Variants in CNPY2 observed in about 807,000 individuals in gnomAD.
CNPY2 encodes canopy FGF signaling regulator 2.
Under a neutral mutation model 25.5 loss-of-function variants are expected in CNPY2, and 19 were observed. That is an observed-to-expected ratio of 0.74 (90% CI 0.52 to 1.09). The LOEUF (loss-of-function observed/expected upper bound fraction) is 1.09. Ranked by LOEUF, CNPY2 falls within the 50% of genes least tolerant of loss-of-function variation. The probability of loss-of-function intolerance (pLI) is 0.00; values close to 1 mark genes in which losing one functional copy is unlikely to be tolerated. For synonymous variants in CNPY2, 82 were observed against 85.0 expected (o/e 0.96, Z 0.19); for missense variants, 214 against 233.6 (o/e 0.92, Z 0.55).
chr12:56,313,901 C>T (rs574928727), intron 3 of CNPY2, among the ~76,000 whole-genome samples: 11 of 150,846 alleles, frequency 7.3e-5, no homozygotes, highest in African/African-American at 1.5e-4. Flanking sequence ...CCACCGCGCC[C>T]GGCCTTTTTT....
intron 4 of CNPY2, 67 bp from the exon 5 acceptor site, chr12:56,311,121 A>G (rs1326419072): frequency 1.2e-6 from 2 of 1,601,668 alleles, no homozygotes; most frequent in African/African-American, 1.3e-5. Flanking sequence ...ACTTCCAAAG[A>G]GGAGGACAAG....
In CNPY2 at chr12:56,314,838, C is replaced by G. The variant is rs376920667; in HGVS notation, c.204+13G>C. 1.5e-4 allele frequency: 245 copies of G among 1,614,066 alleles called. No individual in the cohort carries two copies. The highest frequency in any genetic ancestry group is 2.3e-5 in the Non-Finnish European group (27 of 1,180,048). The stretch of plus-strand genomic sequence containing the variant: ...GAGTGAGCTACTTTGTTTGGGGGAA[C>G]AGTAACAGTTACCTCCACCACTGAC... On this transcript the variant is annotated intron_variant, in intron 3 of 5. Coordinates refer to ENST00000273308, the MANE Select transcript of CNPY2 (RefSeq NM_014255.7).
At position 56,313,066 on chromosome 12, in the gene CNPY2, T is replaced by C. The variant is rs1037243598; in HGVS notation, c.205-1652A>G. Among the ~76,000 whole-genome samples, 11 of 152,282 alleles carry C rather than the reference T, an allele frequency of 7.2e-5. No homozygotes were observed. The South Asian group carries it at 2.1e-3, about 29-fold the overall frequency. ...TTGCATAGGTATACATGTGCCATGG[T>C]GGTTTGCTACACCCATCAACCTGTC... On this transcript the variant is annotated intron_variant, in intron 3 of 5. Coordinates refer to ENST00000273308, the MANE Select transcript of CNPY2 (RefSeq NM_014255.7).
At chr12:56,314,452 G>A in intron 3 of CNPY2, 1 of 1,103,638 alleles carries the variant, frequency 9.1e-7, no homozygotes, top group Non-Finnish European at 1.1e-6. Flanking sequence ...CATGTGTGTT[G>A]TTTTCGATTA....
At chr12:56,311,714 G>A in intron 3 of CNPY2, 2 of 380,096 alleles carry the variant, frequency 5.3e-6, no homozygotes, top group Non-Finnish European at 1.0e-5. Context: ...ACCACACCCA[G>A]CTAACTTTTG....
At chr12:56,315,490 G>A (rs1197319148) in intron 1 of CNPY2, among the ~76,000 whole-genome samples, 1 of 152,198 alleles carries the variant, frequency 6.6e-6, no homozygotes, top group Non-Finnish European at 1.5e-5. Flanking sequence ...GGATAGGTGA[G>A]GCCCTAAGTG....
Position 56,315,180 on chromosome 12 carries a change from G to A in CNPY2, c.38C>T (p.Ala13Val). The A allele has an allele frequency of 6.2e-7, 1 of 1,614,086 alleles. No individual in the cohort carries two copies. Among genetic ancestry groups the A allele is most frequent in the Non-Finnish European group, 8.5e-7 (1 of 1,180,002 alleles). ...CCGAGCCCAGGCGGTTCCCAGCAGGGCCCCCAGAAGCAGGGCCAGCCAACC... is the reference window on the plus strand; with the variant it reads ...CCGAGCCCAGGCGGTTCCCAGCAGGACCCCCAGAAGCAGGGCCAGCCAACC... ...GWGWLALLLG[A>V]LLGTAWARRS... Residue 13 changes from alanine to valine, a missense_variant, in exon 2 of 6, where the codon GCC (alanine) becomes GTC (valine). Transcript: ENST00000273308.
intron 3 of CNPY2, 182 bp downstream of exon 3, chr12:56,314,669 T>TA: frequency 6.9e-7 from 1 of 1,452,198 alleles, no homozygotes; most frequent in African/African-American, 1.4e-5. Flanking sequence ...AGTATTAAGG[T>TA]TTGCAGCCAG....
In CNPY2 at chr12:56,309,988, C is replaced by A. The variant is rs769935023; in HGVS notation, c.*564G>T. On this transcript the variant is annotated 3_prime_UTR_variant, in exon 6 of 6. Transcript: ENST00000273308. ...TACTTTTCAGCTGAGTTGGTCACATCCATTTTCCCCTTCCTGTCTCTGTTC... is the reference window on the plus strand; with the variant it reads ...TACTTTTCAGCTGAGTTGGTCACATACATTTTCCCCTTCCTGTCTCTGTTC... 3.1e-5 allele frequency: 22 copies of A among 702,228 alleles called. No individual in the cohort carries two copies. Among genetic ancestry groups the A allele is most frequent in the South Asian group, 3.0e-4 (20 of 67,582 alleles). 43.5% of individuals were successfully genotyped at this position (702,228 alleles called of 1,614,324 possible).
chr12:56,313,603 T>C (rs535023602), intron 3 of CNPY2, among the ~76,000 whole-genome samples: 1 of 149,204 alleles, frequency 6.7e-6, no homozygotes, highest in East Asian at 1.9e-4. Flanking sequence ...CATAATCTTT[T>C]TTCTTTTCTT....
rs532238678 is a variant in CNPY2 at position 56,310,397 on chromosome 12, G to C, written c.*155C>G. On this transcript the variant is annotated 3_prime_UTR_variant, in exon 6 of 6. Coordinates refer to ENST00000273308, the MANE Select transcript of CNPY2 (RefSeq NM_014255.7). ...CTCCTTATCTTCAAGCTTAATGTAA[G>C]GGCAATTCCAGGCATGAAAAGACAA... 1.0e-4 allele frequency: 72 copies of C among 711,524 alleles called. No individual in the cohort carries two copies. In the Admixed American group the frequency reaches 1.7e-3, roughly 17 times the overall value. 44.1% of individuals were successfully genotyped at this position (711,524 alleles called of 1,614,324 possible). A position where few individuals can be genotyped will look rare whatever the true frequency, so the allele number is the denominator to read the frequency against.
intron 3 of CNPY2, 121 bp downstream of exon 3, chr12:56,314,730 G>A (rs1229989915): frequency 1.1e-5 from 17 of 1,549,800 alleles, no homozygotes; most frequent in South Asian, 2.4e-5. Flanking sequence ...ATGAGACAGA[G>A]CCAAATCTTT....
chr12:56,311,516 A>G, intron 3 of CNPY2, 102 bp from the exon 4 acceptor site: 4 of 1,163,630 alleles, frequency 3.4e-6, no homozygotes, highest in Non-Finnish European at 5.1e-6. Flanking sequence ...AACCTATTCT[A>G]AAAAGCTTTC....
At chr12:56,315,396 C>G (rs566658600) in intron 1 of CNPY2, among the ~76,000 whole-genome samples, 154 bp from the exon 2 acceptor site, 1 of 152,246 alleles carries the variant, frequency 6.6e-6, no homozygotes, top group Non-Finnish European at 1.5e-5. Flanking sequence ...CTTCTCTGTT[C>G]CAGCGCTTGA....
upstream of CNPY2, chr12:56,316,012 T>A (rs1873930813): frequency 6.6e-6 from 1 of 152,392 alleles, no homozygotes; most frequent in South Asian, 2.1e-4. Context: ...TGACGCTAAC[T>A]GGTACCTAAG....
chr12:56,314,277 C>G (rs546929504), intron 3 of CNPY2, among the ~76,000 whole-genome samples: 1 of 152,162 alleles, frequency 6.6e-6, no homozygotes, highest in South Asian at 2.1e-4. Context: ...CTCAAGTGAT[C>G]CTCCCACCTC....
Position 56,315,173 on chromosome 12 carries a change from C to T in CNPY2, c.45G>A (p.Leu15=). The change falls in exon 2 of 6, where the codon CTG becomes CTA. Residue 15 remains leucine (L), a synonymous_variant. Transcript: ENST00000273308. ...GGCTCCTCCGAGCCCAGGCGGTTCC[C>T]AGCAGGGCCCCCAGAAGCAGGGCCA... is the stretch of plus-strand genomic sequence containing the variant. ...GWLALLLGAL[L]GTAWARRSQD... 6.2e-7 allele frequency: 1 copy of T among 1,614,190 alleles called. No individual in the cohort carries two copies. The highest frequency in any genetic ancestry group is 8.5e-7 in the Non-Finnish European group (1 of 1,180,034).
At chr12:56,310,861 A>C in intron 5 of CNPY2, 97 bp downstream of exon 5, 1 of 1,126,332 alleles carries the variant, frequency 8.9e-7, no homozygotes, top group Non-Finnish European at 1.3e-6. Context: ...TCTTGACCTA[A>C]TACCAGAGGT....
intron 1 of CNPY2, 130 bp from the exon 2 acceptor site, chr12:56,315,372 G>A (rs1873880530): frequency 3.2e-6 from 2 of 619,378 alleles, no homozygotes; most frequent in Admixed American, 2.9e-5. Flanking sequence ...GGAAATGGCC[G>A]GGACACAAAG....
Sources: gnomAD v4.1 joint callset for allele counts (sites outside exome capture counted in the v4.1 genomes callset) on GRCh38, gnomAD v4.1.1 for gene constraint, MANE v1.5 for transcripts, NCBI Gene and HGNC (gene_info 2026-07-23, HGNC 2026-07-21) for gene names.